Variants in AMPD3 observed in about 807,000 individuals in gnomAD.
The protein encoded by AMPD3 is AMP deaminase 3.
A neutral mutation model predicts 82.3 loss-of-function variants in AMPD3; 57 were observed. That is an observed-to-expected ratio of 0.69 (90% confidence interval 0.56 to 0.86). The LOEUF (loss-of-function observed/expected upper bound fraction) is 0.86. AMPD3 is among the 40% of genes least tolerant of loss of function. The probability of loss-of-function intolerance (pLI) is 0.00; values close to 1 mark genes in which losing one functional copy is unlikely to be tolerated. For missense variants in AMPD3, 870 were observed against 1,003.8 expected (o/e 0.87, Z 1.80); for synonymous variants, 381 against 394.7 (o/e 0.97, Z 0.41).
chr11:10,487,295 G>T lies in AMPD3; in HGVS notation c.870G>T (p.Met290Ile). ...AATCCAAGTTCAGCCTTCATGAGAT[G>T]TTAAACGAAATGTCCGAGTTCAAAG... ...FLESKFSLHE[M>I]LNEMSEFKEL... The change falls in exon 6 of 15, where the codon ATG (methionine) becomes ATT (isoleucine). Residue 290 changes from methionine to isoleucine, a missense_variant. Met to Ile is a conservative substitution (Grantham distance 10). Coordinates refer to ENST00000396553, the MANE Select transcript of AMPD3 (RefSeq NM_001025389.2). 1 of 1,614,196 alleles carries T rather than the reference G, an allele frequency of 6.2e-7. No homozygotes were observed. Among genetic ancestry groups the T allele is most frequent in the South Asian group, 1.1e-5 (1 of 91,088 alleles).
chr11:10,505,431 C>G, intron 14 of AMPD3: 6 of 985,160 alleles, frequency 6.1e-6, no homozygotes, highest in Non-Finnish European at 7.2e-6. Context: ...CCATCCCCAG[C>G]AGCTGCTGCA....
intron 4 of AMPD3, 57 bp from the exon 5 acceptor site, chr11:10,484,763 C>T: frequency 2.5e-6 from 4 of 1,589,290 alleles, no homozygotes; most frequent in Non-Finnish European, 3.4e-6. Context: ...GTCTTTTGAG[C>T]CCATGTGTGC....
intron 9 of AMPD3, among the ~76,000 whole-genome samples, 161 bp downstream of exon 9, chr11:10,495,894 A>G (rs1849383806): frequency 6.7e-6 from 1 of 148,824 alleles, no homozygotes; most frequent in Non-Finnish European, 1.5e-5. Flanking sequence ...GATGAAAAAG[A>G]TGTCTGCATG....
At chr11:10,479,481 A>G (rs34735568) in intron 3 of AMPD3, among the ~76,000 whole-genome samples, 8,364 of 152,278 alleles carry the variant, frequency 0.055, 293 homozygotes, top group Non-Finnish European at 0.083. Context: ...TGCTCTTCCT[A>G]TAAAATTTCC....
chr11:10,451,100 C>A, upstream of AMPD3: 1 of 1,545,814 alleles, frequency 6.5e-7, no homozygotes, highest in East Asian at 2.4e-5. Flanking sequence ...GACCCTGCGG[C>A]CCAGGCGGGA....
At chr11:10,483,490 C>T (rs189628056) in intron 4 of AMPD3, among the ~76,000 whole-genome samples, 4 of 152,338 alleles carry the variant, frequency 2.6e-5, no homozygotes, top group Admixed American at 6.5e-5. Context: ...GAAGTGGGTC[C>T]TACCACCCCA....
intron 12 of AMPD3, chr11:10,501,879 A>G: frequency 1.0e-6 from 1 of 984,024 alleles, no homozygotes; most frequent in Non-Finnish European, 1.2e-6. Flanking sequence ...TCCACAGCAT[A>G]TTTTTAATGT....
chr11:10,464,897 C>G (rs1848375850), intron 2 of AMPD3, among the ~76,000 whole-genome samples: 1 of 152,152 alleles, frequency 6.6e-6, no homozygotes, highest in Non-Finnish European at 1.5e-5. Context: ...AAATTAGAAG[C>G]AGGGAGAGAG....
upstream of AMPD3, chr11:10,450,484 G>C (rs2133794800): frequency 1.0e-6 from 1 of 985,798 alleles, no homozygotes; most frequent in South Asian, 4.7e-5. Flanking sequence ...TCTCGCGCTG[G>C]GAAAAGTTGT....
chr11:10,461,079 A>C (rs1364429129), intron 1 of AMPD3: 14 of 1,179,478 alleles, frequency 1.2e-5, no homozygotes, highest in African/African-American at 1.6e-5. Context: ...CTTAGCTGTT[A>C]AAGCCTCTGT....
At chr11:10,459,830 A>T (rs1234876024) in intron 1 of AMPD3, among the ~76,000 whole-genome samples, 1 of 151,920 alleles carries the variant, frequency 6.6e-6, no homozygotes, top group African/African-American at 2.4e-5. Flanking sequence ...CTGGGTTCAG[A>T]TCCCTGAGCT....
At chr11:10,496,280 C>T (rs545579292) in intron 9 of AMPD3, 340 of 985,370 alleles carry the variant, frequency 3.5e-4, no homozygotes, top group South Asian at 4.2e-4. Flanking sequence ...CTACTACCCC[C>T]GCCTTCTTCT....
intron 10 of AMPD3, chr11:10,499,237 T>G (rs1849508125): frequency 6.5e-6 from 1 of 153,158 alleles, no homozygotes; most frequent in South Asian, 2.1e-4. Flanking sequence ...GTTTTTTGTT[T>G]TTTTTAGATG....
chr11:10,470,311 A>G (rs1848552083), intron 2 of AMPD3, among the ~76,000 whole-genome samples: 1 of 152,224 alleles, frequency 6.6e-6, no homozygotes, highest in South Asian at 2.1e-4. Context: ...GATGGAACGT[A>G]TCTCAAAATA....
Position 10,482,178 on chromosome 11 carries a change from T to G in AMPD3, c.542T>G (p.Leu181Arg), listed in dbSNP as rs1205089010. The change falls in exon 4 of 15, where the codon CTG becomes CGG. Residue 181 changes from leucine (L) to arginine (R), a missense_variant. Leu to Arg is a moderately radical substitution (Grantham distance 102). Transcript: ENST00000396553. The part of the protein sequence containing the change: ...HRFPRITSQY[L>R]GHPRADTAPP... ...TTCCCGCGGATCACATCCCAGTACC[T>G]GGGTCATCCGCGGGCGGATACTGCA... is the stretch of plus-strand genomic sequence containing the variant. 3.1e-6 allele frequency: 5 copies of G among 1,613,644 alleles called. No homozygotes were observed. The African/African-American group carries it at 5.3e-5, about 17-fold the overall frequency.
intron 2 of AMPD3, chr11:10,478,103 G>A (rs1848792659): frequency 2.0e-6 from 2 of 985,314 alleles, no homozygotes; most frequent in Admixed American, 1.2e-4. Context: ...CCGTTCATAT[G>A]TTGGGACTGA....
Position 10,493,420 on chromosome 11 carries a change from C to T in AMPD3, c.1011C>T (p.Tyr337=), listed in dbSNP as rs773180646. The T allele has an allele frequency of 1.9e-6, 3 of 1,614,230 alleles. No individual in the cohort carries two copies. Among genetic ancestry groups the T allele is most frequent in the Non-Finnish European group, 2.5e-6 (3 of 1,180,046 alleles). ...TGCTGCGCTTCATCAAGCACACATACCAGACGGAGCCTGACAGGACTGTGG... is the reference window on the plus strand; with the variant it reads ...TGCTGCGCTTCATCAAGCACACATATCAGACGGAGCCTGACAGGACTGTGG... The part of the protein sequence containing the change: ...KHLLRFIKHT[Y]QTEPDRTVAE... Residue 337 remains tyrosine (Y), a synonymous_variant, in exon 7 of 15, where the codon TAC becomes TAT. Transcript: ENST00000396553.
intron 7 of AMPD3, chr11:10,494,491 G>T: frequency 1.1e-6 from 1 of 889,062 alleles, no homozygotes; most frequent in South Asian, 5.3e-5. Context: ...ACGTTGTGTT[G>T]TACATGCTTT....
chr11:10,453,990 C>G (rs564506210), upstream of AMPD3, among the ~76,000 whole-genome samples: 3 of 152,258 alleles, frequency 2.0e-5, no homozygotes, highest in East Asian at 5.8e-4. Flanking sequence ...TAGTCTCGGG[C>G]AGGAGAAGCG....
Sources: gnomAD v4.1 joint callset for allele counts (sites outside exome capture counted in the v4.1 genomes callset) on GRCh38, gnomAD v4.1.1 for gene constraint, MANE v1.5 for transcripts, NCBI Gene and HGNC (gene_info 2026-07-23, HGNC 2026-07-21) for gene names.